The following DNAJC5B variants were observed in gnomAD, a reference collection of about 807,000 sequenced individuals.
The protein encoded by DNAJC5B is dnaJ homolog subfamily C member 5B.
Under a neutral mutation model 24.7 loss-of-function variants are expected in DNAJC5B, and 23 were observed. The ratio of observed to expected loss-of-function variants is 0.93; its 90% CI spans 0.67 to 1.32. The LOEUF is 1.32. Among genes scored for constraint, DNAJC5B ranks in the 40% most tolerant of loss-of-function variants. The pLI, the probability that DNAJC5B is intolerant of heterozygous loss-of-function variation, is 0.00. For synonymous variants in DNAJC5B, 101 were observed against 90.1 expected (o/e 1.12, Z -0.68); for missense variants, 238 against 240.8 (o/e 0.99, Z 0.08).
chr8:66,055,950 G>GAATA (rs1294800394), intron 3 of DNAJC5B, among the ~76,000 whole-genome samples: 3 of 151,982 alleles, frequency 2.0e-5, no homozygotes, highest in Non-Finnish European at 2.9e-5. Context: ...CTGTGTCTTG[G>GAATA]AATAAATAAA....
chr8:66,088,449 C>T (rs1807777004), intron 5 of DNAJC5B, among the ~76,000 whole-genome samples: 1 of 152,212 alleles, frequency 6.6e-6, no homozygotes, highest in Admixed American at 6.5e-5. Flanking sequence ...CTTCTCGTTA[C>T]TTATGCAAAT....
At chr8:66,075,628 C>T (rs7017358) in intron 3 of DNAJC5B, among the ~76,000 whole-genome samples, 18,819 of 151,934 alleles carry the variant, frequency 0.12, 1,706 homozygotes, top group East Asian at 0.31. Context: ...AAATTTAACA[C>T]GAACCATCAT....
At chr8:66,099,835 G>T in intron 5 of DNAJC5B, 102 bp from the exon 6 acceptor site, 1 of 960,154 alleles carries the variant, frequency 1.0e-6, no homozygotes, top group African/African-American at 1.6e-5. Context: ...GAATTGAGTT[G>T]ATTTGCCAGT....
Position 66,100,076 on chromosome 8 carries a change from CTT to C in DNAJC5B, c.*46_*47del. On this transcript the variant is annotated 3_prime_UTR_variant, in exon 6 of 6. Coordinates refer to ENST00000276570, the MANE Select transcript of DNAJC5B (RefSeq NM_033105.6). ...CCACAGTCCCTCCTCTCAGTTCAGTCTTGTCTCCAGATGGTCGTAGGGGAGCG... is the reference window on the plus strand; with the variant it reads ...CCACAGTCCCTCCTCTCAGTTCAGTCGTCTCCAGATGGTCGTAGGGGAGCG... The C allele has an allele frequency of 6.4e-7, 1 of 1,559,962 alleles. No individual in the cohort carries two copies. The highest frequency in any genetic ancestry group is 8.8e-7 in the Non-Finnish European group (1 of 1,135,730).
At chr8:66,021,362 C>A (rs897214900), upstream of DNAJC5B, among the ~76,000 whole-genome samples, 1 of 152,196 alleles carries the variant, frequency 6.6e-6, no homozygotes, top group African/African-American at 2.4e-5. Flanking sequence ...CCTGAGGGCC[C>A]TCACAAGGTT....
In DNAJC5B at chr8:66,076,692, AT is replaced by A; in HGVS notation, c.153del (p.Pro52GlnfsTer69). The A allele has an allele frequency of 6.2e-7, 1 of 1,614,182 alleles. No homozygotes were observed. The highest frequency in any genetic ancestry group is 1.3e-5 in the African/African-American group (1 of 75,050). On this transcript the variant is annotated frameshift_variant, in exon 4 of 6. Transcript: ENST00000276570. LOFTEE classifies it high-confidence loss of function. ...GCCCTGAAACACCATCCAGACAAGA[AT>A]CCAGATGATCCAGCTGCTACTGAGA... ...KLALKHHPDK[N>X]PDDPAATEKF...
rs1326949086 is a variant in DNAJC5B, at chr8:66,101,151, A to C, written c.*1120A>C. Among the ~76,000 whole-genome samples, 1 of 152,172 alleles carries C rather than the reference A, an allele frequency of 6.6e-6. No homozygotes were observed. Reference sequence around the variant, plus strand: ...TTTTTCTTGTTTCTTATTCCCACCCAAAAAATTATAGTTAATTGCTGCTAA... The same window carrying C: ...TTTTTCTTGTTTCTTATTCCCACCCCAAAAATTATAGTTAATTGCTGCTAA... On this transcript the variant is annotated 3_prime_UTR_variant, in exon 6 of 6. Coordinates refer to ENST00000276570, the MANE Select transcript of DNAJC5B (RefSeq NM_033105.6).
chr8:66,088,332 A>AT (rs964249332), intron 5 of DNAJC5B, among the ~76,000 whole-genome samples: 22 of 150,802 alleles, frequency 1.5e-4, no homozygotes, highest in Non-Finnish European at 2.5e-4. Flanking sequence ...CCAAGAAACC[A>AT]TTTTTTTTTC....
chr8:66,083,436 T>C (rs1807648640), intron 5 of DNAJC5B, among the ~76,000 whole-genome samples: 2 of 152,228 alleles, frequency 1.3e-5, no homozygotes, highest in African/African-American at 4.8e-5. Context: ...TTATTGATAA[T>C]GTTGTCTACA....
chr8:66,022,104 G>T (rs1806140642), intron 1 of DNAJC5B, among the ~76,000 whole-genome samples: 2 of 152,210 alleles, frequency 1.3e-5, no homozygotes, highest in Non-Finnish European at 2.9e-5. Flanking sequence ...AATCTTGAAA[G>T]GCAAAAGGAT....
At position 66,080,365 on chromosome 8, in the gene DNAJC5B, C is replaced by G. The variant is rs779083037; in HGVS notation, c.334-12C>G. The G allele has an allele frequency of 6.2e-7, 1 of 1,607,490 alleles. No individual in the cohort carries two copies. The highest frequency in any genetic ancestry group is 1.1e-5 in the South Asian group (1 of 89,932). ...CCCTCATCCTCATTTTGCTTTACCTCTGTTTCCCTAGGCCCTGTTTGTCAT... is the reference window on the plus strand; with the variant it reads ...CCCTCATCCTCATTTTGCTTTACCTGTGTTTCCCTAGGCCCTGTTTGTCAT... On this transcript the variant is annotated splice_polypyrimidine_tract_variant and intron_variant, in intron 4 of 5. Transcript: ENST00000276570.
At chr8:66,053,852 C>T (rs546323693) in intron 3 of DNAJC5B, among the ~76,000 whole-genome samples, 1 of 151,968 alleles carries the variant, frequency 6.6e-6, no homozygotes, top group African/African-American at 2.4e-5. Context: ...TGGTCTCTAA[C>T]TCCCGACCTT....
At chr8:66,066,220 CA>C (rs916679403) in intron 3 of DNAJC5B, among the ~76,000 whole-genome samples, 5 of 151,998 alleles carry the variant, frequency 3.3e-5, no homozygotes, top group African/African-American at 9.7e-5. Context: ...ATTAAAAAGT[CA>C]AAAAACAATA....
At chr8:66,035,251 T>A (rs1806456044) in intron 1 of DNAJC5B, among the ~76,000 whole-genome samples, 1 of 152,194 alleles carries the variant, frequency 6.6e-6, no homozygotes, top group Non-Finnish European at 1.5e-5. Context: ...TAGGCATAAA[T>A]AAAATCTCCA....
chr8:66,078,000 G>A (rs1340703431), intron 4 of DNAJC5B, among the ~76,000 whole-genome samples: 1 of 151,892 alleles, frequency 6.6e-6, no homozygotes, highest in Non-Finnish European at 1.5e-5. Context: ...TAGATTGAAC[G>A]TTCATAGGAC....
At chr8:66,029,818 T>C (rs551947622) in intron 1 of DNAJC5B, among the ~76,000 whole-genome samples, 1 of 152,086 alleles carries the variant, frequency 6.6e-6, no homozygotes, top group Admixed American at 6.5e-5. Context: ...GCTGATGCCC[T>C]CTAAAGAGAC....
upstream of DNAJC5B, among the ~76,000 whole-genome samples, chr8:66,020,878 T>C (rs928422923): frequency 6.6e-6 from 1 of 152,116 alleles, no homozygotes; most frequent in Admixed American, 6.6e-5. Flanking sequence ...GCTCAAGTGA[T>C]CCTCCCACCT....
chr8:66,081,976 T>TAA (rs1807605916), intron 5 of DNAJC5B, among the ~76,000 whole-genome samples: 1 of 152,034 alleles, frequency 6.6e-6, no homozygotes, highest in African/African-American at 2.4e-5. Flanking sequence ...TACAAGTAAA[T>TAA]GGGTTAAGGA....
At chr8:66,028,876 G>A (rs1806302416) in intron 1 of DNAJC5B, among the ~76,000 whole-genome samples, 1 of 152,258 alleles carries the variant, frequency 6.6e-6, no homozygotes, top group East Asian at 1.9e-4. Flanking sequence ...TTTATAAAAC[G>A]AGGACTAAAC....
Sources: gnomAD v4.1 joint callset for allele counts (sites outside exome capture counted in the v4.1 genomes callset) on GRCh38, gnomAD v4.1.1 for gene constraint, MANE v1.5 for transcripts, NCBI Gene and HGNC (gene_info 2026-07-23, HGNC 2026-07-21) for gene names.